SLC7A1: variants seen among roughly 807,000 people sequenced by gnomAD.
SLC7A1 encodes the protein high affinity cationic amino acid transporter 1.
In SLC7A1, 10 loss-of-function variants were observed where a neutral mutation model predicts 53.9. The ratio of observed to expected loss-of-function variants is 0.19; its 90% CI spans 0.11 to 0.31. The LOEUF (loss-of-function observed/expected upper bound fraction) is 0.31. Ranked by LOEUF, SLC7A1 falls within the 10% of genes least tolerant of loss-of-function variation. The probability of loss-of-function intolerance (pLI) is 1.00; values close to 1 mark genes in which losing one functional copy is unlikely to be tolerated. For missense variants in SLC7A1, 525 were observed against 827.2 expected, an observed-to-expected ratio of 0.63 and a Z score of 4.48; for synonymous variants, 342 against 338.7, an observed-to-expected ratio of 1.01 and a Z score of -0.11.
At chr13:29,550,803 G>C (rs1326520674) in intron 2 of SLC7A1, among the ~76,000 whole-genome samples, 1 of 152,196 alleles carries the variant, frequency 6.6e-6, no homozygotes, top group Admixed American at 6.5e-5. Context: ...GAAACATTGA[G>C]AAAGTAAGAT....
rs558933141 is a variant in SLC7A1, at chr13:29,550,392, A to G, written c.-15+3369T>C. Reference sequence around the variant, plus strand: ...GAGCAAAATAATTTCTTATAAAAATAGACAGCAGATGGAAATCACTTTTCA... The same window carrying G: ...GAGCAAAATAATTTCTTATAAAAATGGACAGCAGATGGAAATCACTTTTCA... On this transcript the variant is annotated intron_variant, in intron 2 of 12. Coordinates refer to ENST00000380752, the MANE Select transcript of SLC7A1 (RefSeq NM_003045.5). Among the ~76,000 whole-genome samples the G allele has an allele frequency of 7.9e-5, 12 of 152,382 alleles. No homozygotes were observed. In the South Asian group the frequency reaches 2.5e-3, roughly 32 times the overall value.
At chr13:29,526,497 T>C (rs1868899537) in intron 5 of SLC7A1, among the ~76,000 whole-genome samples, 1 of 152,086 alleles carries the variant, frequency 6.6e-6, no homozygotes, top group African/African-American at 2.4e-5. Context: ...GTCTCTAAAA[T>C]AATTTTTAAA....
rs76676938 is a variant in SLC7A1 at position 29,595,506 on chromosome 13, CGGGCG to C, written c.-210_-206del. 117,237 of 149,514 alleles carry C rather than the reference CGGGCG, an allele frequency of 0.78. 46,150 individuals carry two copies. Among genetic ancestry groups the C allele is most frequent in the East Asian group, 0.98 (4,717 of 4,814 alleles). 9.3% of individuals were successfully genotyped at this position (149,514 alleles called of 1,614,324 possible). On this transcript the variant is annotated 5_prime_UTR_variant, in exon 1 of 13. The change creates a premature stop within an existing upstream ORF in the 5' untranslated region. Coordinates refer to ENST00000380752, the MANE Select transcript of SLC7A1 (RefSeq NM_003045.5). ...CCAACGGACGCTCGGCCGGCGAGAC[CGGGCG>C]GGGCGGGGCGGGGCGGGGGCGCGGC...
At position 29,535,805 on chromosome 13, in the gene SLC7A1, C is replaced by T; in HGVS notation, c.370+14G>A. On this transcript the variant is annotated intron_variant, in intron 3 of 12. Coordinates refer to ENST00000380752, the MANE Select transcript of SLC7A1 (RefSeq NM_003045.5). ...AGTGGTAGAGGGCACGAGCTCCGGA[C>T]CCCTGGGACCTACCGATGATGTAGG... 1.2e-6 allele frequency: 2 copies of T among 1,608,380 alleles called. No homozygotes were observed. The highest frequency in any genetic ancestry group is 1.7e-6 in the Non-Finnish European group (2 of 1,175,452).
At chr13:29,552,237 A>C (rs1870227913) in intron 2 of SLC7A1, among the ~76,000 whole-genome samples, 1 of 151,322 alleles carries the variant, frequency 6.6e-6, no homozygotes, top group Non-Finnish European at 1.5e-5. Context: ...ACACACACAC[A>C]CACACACACA....
At chr13:29,525,366 C>G (rs910248347) in intron 5 of SLC7A1, among the ~76,000 whole-genome samples, 1 of 152,218 alleles carries the variant, frequency 6.6e-6, no homozygotes. Context: ...CTGTTGCCCC[C>G]ACTCAACCAT....
Position 29,514,151 on chromosome 13 carries a change from T to A in SLC7A1, c.*329A>T, listed in dbSNP as rs958627411. 3 of 312,156 alleles carry A rather than the reference T, an allele frequency of 9.6e-6. No homozygotes were observed. The highest frequency in any genetic ancestry group is 1.8e-5 in the Non-Finnish European group (3 of 165,470). 19.3% of individuals were successfully genotyped at this position (312,156 alleles called of 1,614,324 possible). Reference sequence around the variant, plus strand: ...TGGTTCCCAAGATAAGGAGAGAAGGTGACCTCCGTTCTGCCTGAGGCTGCG... The same window carrying A: ...TGGTTCCCAAGATAAGGAGAGAAGGAGACCTCCGTTCTGCCTGAGGCTGCG... On this transcript the variant is annotated 3_prime_UTR_variant, in exon 13 of 13. Coordinates refer to ENST00000380752, the MANE Select transcript of SLC7A1 (RefSeq NM_003045.5).
chr13:29,519,555 A>G lies in SLC7A1; in HGVS notation c.1190-6T>C. 6.3e-7 allele frequency: 1 copy of G among 1,583,092 alleles called. No individual in the cohort carries two copies. The highest frequency in any genetic ancestry group is 8.7e-7 in the Non-Finnish European group (1 of 1,152,890). Reference sequence around the variant, plus strand: ...AAAGAGGAAGGCCATCACAGCTGGGAAGAGACAGACACCAGGATCTGTGGA... The same window carrying G: ...AAAGAGGAAGGCCATCACAGCTGGGGAGAGACAGACACCAGGATCTGTGGA... On this transcript the variant is annotated splice_region_variant and splice_polypyrimidine_tract_variant and intron_variant, in intron 8 of 12. Coordinates refer to ENST00000380752, the MANE Select transcript of SLC7A1 (RefSeq NM_003045.5).
rs748734919 is a variant in SLC7A1 at position 29,517,316 on chromosome 13, G to C, written c.1511-6C>G. 8 of 1,603,348 alleles carry C rather than the reference G, an allele frequency of 5.0e-6. No homozygotes were observed. The Admixed American group carries it at 1.4e-4, about 27-fold the overall frequency. ...GAAGGTGATGATGAGAACAGCTAAG[G>C]GGGAAGGAAAAGACAGCAAGCTGCA... On this transcript the variant is annotated splice_polypyrimidine_tract_variant and splice_region_variant and intron_variant, in intron 10 of 12. Coordinates refer to ENST00000380752, the MANE Select transcript of SLC7A1 (RefSeq NM_003045.5).
intron 1 of SLC7A1, among the ~76,000 whole-genome samples, chr13:29,561,126 T>C (rs1336984332): frequency 2.0e-5 from 3 of 152,312 alleles, no homozygotes; most frequent in Admixed American, 1.3e-4. Context: ...ATCCCCATCT[T>C]TGAGGAGTTA....
intron 2 of SLC7A1, among the ~76,000 whole-genome samples, chr13:29,540,925 A>T (rs1366415183): frequency 6.6e-6 from 1 of 152,224 alleles, no homozygotes; most frequent in East Asian, 1.9e-4. Context: ...GCGTCTTTTC[A>T]GCTTTCCTCA....
chr13:29,563,472 G>T (rs1031439557), intron 1 of SLC7A1, among the ~76,000 whole-genome samples: 32 of 152,136 alleles, frequency 2.1e-4, no homozygotes, highest in African/African-American at 7.2e-4. Flanking sequence ...CTGTCATCAC[G>T]CCCCTGGAGA....
At chr13:29,531,943 C>T (rs751137387) in intron 4 of SLC7A1, among the ~76,000 whole-genome samples, 10 of 152,200 alleles carry the variant, frequency 6.6e-5, no homozygotes, top group African/African-American at 1.4e-4. Flanking sequence ...GAGAACACCT[C>T]AACAAACAAC....
intron 1 of SLC7A1, among the ~76,000 whole-genome samples, chr13:29,594,327 T>C (rs1255702757): frequency 1.3e-5 from 2 of 152,270 alleles, no homozygotes; most frequent in African/African-American, 2.4e-5. Context: ...TAACTATGTC[T>C]GGACTAAAAC....
At chr13:29,544,323 TTTG>T (rs931035835) in intron 2 of SLC7A1, among the ~76,000 whole-genome samples, 1 of 152,228 alleles carries the variant, frequency 6.6e-6, no homozygotes, top group African/African-American at 2.4e-5. Flanking sequence ...TACGCATGTT[TTTG>T]TTGTTATTTT....
At chr13:29,523,521 C>T (rs888419105) in intron 6 of SLC7A1, 33 bp from the exon 7 acceptor site, 3 of 1,514,918 alleles carry the variant, frequency 2.0e-6, no homozygotes, top group South Asian at 1.1e-5. Context: ...GAGGAGGGCA[C>T]ACAGCAAGAG....
At chr13:29,569,810 A>G (rs377535134) in intron 1 of SLC7A1, among the ~76,000 whole-genome samples, 8 of 152,288 alleles carry the variant, frequency 5.3e-5, no homozygotes, top group African/African-American at 1.9e-4. Context: ...ATAAATGAGA[A>G]CACTGAACCT....
intron 1 of SLC7A1, among the ~76,000 whole-genome samples, chr13:29,568,900 G>A (rs868097030): frequency 1.2e-4 from 18 of 152,100 alleles, no homozygotes; most frequent in African/African-American, 3.4e-4. Context: ...ACTCAGACGC[G>A]CCTGAACACA....
intron 1 of SLC7A1, among the ~76,000 whole-genome samples, chr13:29,554,752 C>T (rs959627912): frequency 2.6e-5 from 4 of 152,178 alleles, no homozygotes; most frequent in African/African-American, 7.2e-5. Context: ...AGTTTTATAA[C>T]TTAGACAGCA....
Sources: gnomAD v4.1 joint callset for allele counts (sites outside exome capture counted in the v4.1 genomes callset) on GRCh38, gnomAD v4.1.1 for gene constraint, MANE v1.5 for transcripts, NCBI Gene and HGNC (gene_info 2026-07-23, HGNC 2026-07-21) for gene names.